CEP290: variants seen among roughly 807,000 people sequenced by gnomAD.
The protein encoded by CEP290 is centrosomal protein 290.
Under a neutral mutation model 344.9 loss-of-function variants are expected in CEP290, and 317 were observed. That is an observed-to-expected ratio of 0.92 (90% CI 0.84 to 1.01). CEP290 has a LOEUF of 1.01. Among genes scored for constraint, CEP290 ranks in the 50% least tolerant of loss-of-function variants. The probability of loss-of-function intolerance (pLI) is 0.00; values close to 1 mark genes in which losing one functional copy is unlikely to be tolerated. For missense variants in CEP290, 2,754 were observed against 2,761.4 expected, an observed-to-expected ratio of 1.00 and a Z score of 0.06; for synonymous variants, 932 against 895.8, an observed-to-expected ratio of 1.04 and a Z score of -0.72.
At chr12:88,077,157 A>G in intron 41 of CEP290, 65 bp downstream of exon 41, 1 of 1,461,122 alleles carries the variant, frequency 6.8e-7, no homozygotes, top group South Asian at 1.3e-5. Context: ...ACTGTTAATC[A>G]GCTATGTATT....
rs574462385 is a variant in CEP290, at chr12:88,123,643, TTTC to T, written c.1189+1600_1189+1602del. On this transcript the variant is annotated intron_variant, in intron 13 of 53. Transcript: ENST00000552810. ...TGCTAAAGTAGAAGCTCTTTAGATT[TTTC>T]TTCTTAACCTACATTTACTCCCTTG... Among the ~76,000 whole-genome samples the T allele has an allele frequency of 4.4e-3, 677 of 152,202 alleles. 7 individuals carry two copies. The highest frequency in any genetic ancestry group is 0.016 in the African/African-American group (658 of 41,552).
At position 88,089,456 on chromosome 12, in the gene CEP290, T is replaced by G. The variant is rs375065584; in HGVS notation, c.3605A>C (p.Lys1202Thr). Residue 1202 changes from lysine (K) to threonine (T), a missense_variant, in exon 31 of 54, where the codon AAG becomes ACG. Transcript: ENST00000552810. Reference protein sequence around the residue: ...AQSDEKSLIAKLHQHNVSLQL... With the variant: ...AQSDEKSLIATLHQHNVSLQL... Reference sequence around the variant, plus strand: ...AAGAGAGACATTATGTTGGTGCAACTTGGCAATGAGCGACTTTTCATCAGA... The same window carrying G: ...AAGAGAGACATTATGTTGGTGCAACGTGGCAATGAGCGACTTTTCATCAGA... 1.9e-6 allele frequency: 3 copies of G among 1,569,688 alleles called. No individual in the cohort carries two copies.
chr12:88,083,874 T>G lies in CEP290; in HGVS notation c.4785A>C (p.Ser1595=). 1 of 1,587,084 alleles carries G rather than the reference T, an allele frequency of 6.3e-7. No individual in the cohort carries two copies. Among genetic ancestry groups the G allele is most frequent in the African/African-American group, 1.3e-5 (1 of 74,142 alleles). Residue 1595 remains serine, a synonymous_variant, in exon 36 of 54, where the codon TCA becomes TCC. Coordinates refer to ENST00000552810, the MANE Select transcript of CEP290 (RefSeq NM_025114.4). ...HHRLELQADS[S]LNKFKQTAWD... The stretch of plus-strand genomic sequence containing the variant: ...AAGCCGTTTGTTTGAATTTATTTAG[T>G]GAACTATCAGCCTGTAGTTCTAATC...
intron 51 of CEP290, 98 bp from the exon 52 acceptor site, chr12:88,053,844 AC>A: frequency 6.6e-6 from 4 of 604,912 alleles, no homozygotes; most frequent in Non-Finnish European, 8.7e-6. Flanking sequence ...AGTAATCAGA[AC>A]AAGCTAGCCT....
At chr12:88,071,474 G>A (rs778581701) in intron 42 of CEP290, 25 bp from the exon 43 acceptor site, 1 of 1,569,250 alleles carries the variant, frequency 6.4e-7, no homozygotes, top group Non-Finnish European at 8.6e-7. Flanking sequence ...ATAGAATCAT[G>A]AAATATACCA....
intron 22 of CEP290, among the ~76,000 whole-genome samples, 174 bp from the exon 23 acceptor site, chr12:88,109,355 A>T (rs1016504963): frequency 6.6e-6 from 1 of 152,180 alleles, no homozygotes; most frequent in Non-Finnish European, 1.5e-5. Context: ...TTTAAGGCAT[A>T]AAAAAAGAGT....
At chr12:88,052,801 C>A (rs1337442819) in intron 52 of CEP290, among the ~76,000 whole-genome samples, 1 of 152,106 alleles carries the variant, frequency 6.6e-6, no homozygotes, top group East Asian at 1.9e-4. Context: ...AAGGCTAGAG[C>A]AGTAACAAGC....
At chr12:88,111,113 TA>T (rs1266857037) in intron 22 of CEP290, 88 bp downstream of exon 22, 21 of 754,562 alleles carry the variant, frequency 2.8e-5, no homozygotes, top group Non-Finnish European at 3.8e-6. Flanking sequence ...TAAAGTAAAA[TA>T]AAAATAAAAA....
Position 88,092,718 on chromosome 12 carries a change from C to CT in CEP290, c.3423dup (p.Glu1142ArgfsTer4). Reference sequence around the variant, plus strand: ...ACTTTTAGTTCCATTTCATTCTTCTCTAATTCTAGAATCCGTTGCCTATCA... The same window carrying CT: ...ACTTTTAGTTCCATTTCATTCTTCTCTTAATTCTAGAATCCGTTGCCTATCA... On this transcript the variant is annotated frameshift_variant, in exon 29 of 54. Transcript: ENST00000552810. LOFTEE classifies it high-confidence loss of function. 6.2e-7 allele frequency: 1 copy of CT among 1,610,272 alleles called. No homozygotes were observed. The highest frequency in any genetic ancestry group is 1.1e-5 in the South Asian group (1 of 90,152).
intron 46 of CEP290, among the ~76,000 whole-genome samples, chr12:88,062,064 C>A (rs2034526692): frequency 6.6e-6 from 1 of 152,148 alleles, no homozygotes; most frequent in Non-Finnish European, 1.5e-5. Flanking sequence ...CAGGTGTGAG[C>A]CACTGCCCCC....
At chr12:88,102,631 A>C (rs1011062377) in intron 26 of CEP290, among the ~76,000 whole-genome samples, 9 of 86,572 alleles carry the variant, frequency 1.0e-4, no homozygotes, top group African/African-American at 3.1e-4. Context: ...CACTATAAAT[A>C]GATAATATAT....
chr12:88,087,465 A>T (rs185421144), intron 32 of CEP290, among the ~76,000 whole-genome samples: 4 of 152,254 alleles, frequency 2.6e-5, no homozygotes, highest in African/African-American at 9.6e-5. Flanking sequence ...TCACGCCTGT[A>T]ATCCCAGCAC....
intron 26 of CEP290, among the ~76,000 whole-genome samples, chr12:88,100,271 A>G (rs2037775222): frequency 6.6e-6 from 1 of 150,472 alleles, no homozygotes; most frequent in South Asian, 2.1e-4. Flanking sequence ...CTCTGTTTCA[A>G]AAAAAAAAAC....
At position 88,115,084 on chromosome 12, in the gene CEP290, T is replaced by C; in HGVS notation, c.1909+14A>G. 2 of 1,321,684 alleles carry C rather than the reference T, an allele frequency of 1.5e-6. No homozygotes were observed. The highest frequency in any genetic ancestry group is 2.4e-5 in the East Asian group (1 of 42,360). The allele number at this position is 1,321,684 out of a possible 1,614,324, so 81.9% of individuals were successfully genotyped here. On this transcript the variant is annotated intron_variant, in intron 19 of 53. Coordinates refer to ENST00000552810, the MANE Select transcript of CEP290 (RefSeq NM_025114.4). ...AAAATAAGAACAGAAAAGTAAAAGA[T>C]AATTGTAACTTACATTTATTCTGAA...
chr12:88,049,393 T>C lies in CEP290; in HGVS notation c.7231A>G (p.Lys2411Glu). The part of the protein sequence containing the change: ...HLKEEIKKLK[K>E]ELENFDPSFF... ...GAAGGATCAAAATTTTCCAGTTCTT[T>C]TTTCAGCTTCTTTATTTCCTCCTAA... is the stretch of plus-strand genomic sequence containing the variant. The change falls in exon 54 of 54, where the codon AAA becomes GAA. Residue 2411 changes from lysine (K) to glutamate (E), a missense_variant. Lys to Glu is a moderately conservative substitution (Grantham distance 56). Coordinates refer to ENST00000552810, the MANE Select transcript of CEP290 (RefSeq NM_025114.4). The C allele has an allele frequency of 6.6e-7, 1 of 1,507,840 alleles. No homozygotes were observed. Among genetic ancestry groups the C allele is most frequent in the Non-Finnish European group, 9.1e-7 (1 of 1,102,014 alleles). The allele number at this position is 1,507,840 out of a possible 1,614,324, so 93.4% of individuals were successfully genotyped here.
In CEP290 at chr12:88,089,425, C is replaced by G; in HGVS notation, c.3636G>C (p.Leu1212=). 1 of 1,606,720 alleles carries G rather than the reference C, an allele frequency of 6.2e-7. No individual in the cohort carries two copies. Among genetic ancestry groups the G allele is most frequent in the Non-Finnish European group, 8.5e-7 (1 of 1,175,794 alleles). The change falls in exon 31 of 54, where the codon CTG becomes CTC. Residue 1212 remains leucine, a synonymous_variant. Coordinates refer to ENST00000552810, the MANE Select transcript of CEP290 (RefSeq NM_025114.4). ...ACTTACCAAGAGCAGTAGCCTCACT[C>G]AGTTGAAGAGAGACATTATGTTGGT... ...KLHQHNVSLQ[L]SEATALGKLE...
chr12:88,102,162 G>T (rs978578456), intron 26 of CEP290, among the ~76,000 whole-genome samples: 2 of 152,156 alleles, frequency 1.3e-5, no homozygotes, highest in African/African-American at 2.4e-5. Context: ...TCAGTAAAAG[G>T]TATAGAGTTC....
rs890593412 is a variant in CEP290, at chr12:88,062,388, T to C, written c.6357+304A>G. Among the ~76,000 whole-genome samples the C allele has an allele frequency of 3.3e-5, 5 of 152,134 alleles. No individual in the cohort carries two copies. In the East Asian group the frequency reaches 5.8e-4, roughly 18 times the overall value. On this transcript the variant is annotated intron_variant, in intron 46 of 53. Transcript: ENST00000552810. ...AACAAATGGTTACAAAATGGCAGCA[T>C]TGGACCAAGGACCAGTTAGCAGTTA... is the stretch of plus-strand genomic sequence containing the variant.
intron 14 of CEP290, 114 bp downstream of exon 14, chr12:88,120,883 T>A: frequency 1.2e-6 from 1 of 833,384 alleles, no homozygotes; most frequent in South Asian, 1.9e-5. Context: ...ATAATCTTTA[T>A]CAAAAGATAC....
Sources: allele counts gnomAD v4.1 joint callset (sites outside exome capture counted in the v4.1 genomes callset), GRCh38; gene constraint gnomAD v4.1.1; transcripts MANE v1.5; gene names NCBI Gene and HGNC (gene_info 2026-07-23, HGNC 2026-07-21).